AGPS: variants seen among roughly 807,000 people sequenced by gnomAD.
The protein encoded by AGPS is alkyldihydroxyacetonephosphate synthase, peroxisomal.
AGPS carries 26 observed loss-of-function variants against 90.7 expected under a neutral mutation model. That is an observed-to-expected ratio of 0.29 (90% CI 0.21 to 0.40). The LOEUF is 0.40. AGPS is among the 10% of genes least tolerant of loss of function. AGPS has a pLI of 1.00. For missense variants in AGPS, 540 were observed against 816.1 expected (o/e 0.66, Z 4.12); for synonymous variants, 294 against 285.3 (o/e 1.03, Z -0.31).
At position 177,538,989 on chromosome 2, in the gene AGPS, C is replaced by T. The variant is rs912813369; in HGVS notation, c.*794C>T. The T allele has an allele frequency of 3.3e-5, 5 of 152,018 alleles. No individual in the cohort carries two copies. The highest frequency in any genetic ancestry group is 1.3e-4 in the Admixed American group (2 of 15,246). 9.4% of individuals were successfully genotyped at this position (152,018 alleles called of 1,614,324 possible). A position where few individuals can be genotyped will look rare whatever the true frequency, so the allele number is the denominator to read the frequency against. ...CCATGAAATGAATGCCTTTATTCAA[C>T]TTAGAGTCCTAATGTTTCTGATTTC... On this transcript the variant is annotated 3_prime_UTR_variant, in exon 20 of 20. Coordinates refer to ENST00000264167, the MANE Select transcript of AGPS (RefSeq NM_003659.4).
intron 17 of AGPS, 23 bp downstream of exon 17, chr2:177,513,931 A>T: frequency 6.5e-7 from 1 of 1,540,094 alleles, no homozygotes; most frequent in Non-Finnish European, 9.0e-7. Context: ...AATTGTTCTT[A>T]TACTTCTTAT....
In AGPS at chr2:177,538,603, T is replaced by A; in HGVS notation, c.*408T>A. 1 of 290,298 alleles carries A rather than the reference T, an allele frequency of 3.4e-6. No individual in the cohort carries two copies. The highest frequency in any genetic ancestry group is 6.6e-6 in the Non-Finnish European group (1 of 151,392). The allele number at this position is 290,298 out of a possible 1,614,324, so 18.0% of individuals were successfully genotyped here. A position where few individuals can be genotyped will look rare whatever the true frequency, so the allele number is the denominator to read the frequency against. On this transcript the variant is annotated 3_prime_UTR_variant, in exon 20 of 20. Transcript: ENST00000264167. ...TGGGAATCAGATGTCTAGGGAAGGA[T>A]TCCACTGAGGAGTGATACACGTGTA...
rs943691452 is a variant in AGPS at position 177,393,426 on chromosome 2, A to G, written c.260+377A>G. On this transcript the variant is annotated intron_variant, in intron 1 of 19. Coordinates refer to ENST00000264167, the MANE Select transcript of AGPS (RefSeq NM_003659.4). The stretch of plus-strand genomic sequence containing the variant: ...AGAGGTTCTATTTTTCTCCGAGGAG[A>G]TATAAATTTGTACTAGATGATAGAT... 8 of 985,214 alleles carry G rather than the reference A, an allele frequency of 8.1e-6. No homozygotes were observed. The South Asian group carries it at 3.8e-4, about 46-fold the overall frequency. 61.0% of individuals were successfully genotyped at this position (985,214 alleles called of 1,614,324 possible).
At position 177,541,843 on chromosome 2, in the gene AGPS, T is replaced by C. The variant is rs1048973377; in HGVS notation, c.*3648T>C. The C allele has an allele frequency of 1.3e-5, 2 of 152,296 alleles. No individual in the cohort carries two copies. The highest frequency in any genetic ancestry group is 3.9e-4 in the East Asian group (2 of 5,190). The allele number at this position is 152,296 out of a possible 1,614,324, so 9.4% of individuals were successfully genotyped here. A position where few individuals can be genotyped will look rare whatever the true frequency, so the allele number is the denominator to read the frequency against. On this transcript the variant is annotated 3_prime_UTR_variant, in exon 20 of 20. Coordinates refer to ENST00000264167, the MANE Select transcript of AGPS (RefSeq NM_003659.4). ...GTAAAGGAAACAACTTACATATTGATGCTTAAATCCAGAAAGTGTAAAAGG... is the reference window on the plus strand; with the variant it reads ...GTAAAGGAAACAACTTACATATTGACGCTTAAATCCAGAAAGTGTAAAAGG...
chr2:177,412,362 A>G (rs1282306738), intron 1 of AGPS, among the ~76,000 whole-genome samples: 3 of 152,028 alleles, frequency 2.0e-5, no homozygotes, highest in Non-Finnish European at 4.4e-5. Flanking sequence ...GGAGTTCGGG[A>G]CGACAGCTTT....
intron 1 of AGPS, among the ~76,000 whole-genome samples, chr2:177,418,796 CAA>C (rs774998559): frequency 2.6e-4 from 35 of 132,764 alleles, no homozygotes; most frequent in Admixed American, 2.2e-4. Context: ...GTTTTGGCAC[CAA>C]AAAAAAAAAA....
At chr2:177,407,355 A>G (rs1201455998) in intron 1 of AGPS, among the ~76,000 whole-genome samples, 1 of 152,200 alleles carries the variant, frequency 6.6e-6, no homozygotes, top group Non-Finnish European at 1.5e-5. Context: ...GAGACTGGAT[A>G]ATTTATAAAG....
chr2:177,464,428 A>T (rs1030646711), intron 9 of AGPS, among the ~76,000 whole-genome samples: 1 of 152,378 alleles, frequency 6.6e-6, no homozygotes, highest in East Asian at 1.9e-4. Context: ...ACATTAGTGC[A>T]TATTTAATTA....
chr2:177,530,010 T>TTTTG (rs371123935), intron 19 of AGPS, among the ~76,000 whole-genome samples: 64 of 152,258 alleles, frequency 4.2e-4, no homozygotes, highest in African/African-American at 4.8e-4. Flanking sequence ...AAAACAATAG[T>TTTTG]TTTGTTTGTT....
intron 15 of AGPS, among the ~76,000 whole-genome samples, chr2:177,507,155 A>G (rs1574019116): frequency 6.6e-6 from 1 of 152,208 alleles, no homozygotes; most frequent in East Asian, 1.9e-4. Context: ...CACATGCTTT[A>G]GATCAGATCA....
At position 177,502,496 on chromosome 2, in the gene AGPS, G is replaced by A. The variant is rs1688589187; in HGVS notation, c.1475+2766G>A. On this transcript the variant is annotated intron_variant, in intron 14 of 19. Coordinates refer to ENST00000264167, the MANE Select transcript of AGPS (RefSeq NM_003659.4). ...GACCTGATGATCATGGCTCACTGTA[G>A]CCTCAGCCTCCCTGGGCTCAAAGGA... Among the ~76,000 whole-genome samples, 4 of 147,372 alleles carry A rather than the reference G, an allele frequency of 2.7e-5. No individual in the cohort carries two copies. The South Asian group carries it at 6.5e-4, about 24-fold the overall frequency.
Position 177,434,212 on chromosome 2 carries a change from A to G in AGPS, c.351-115A>G, listed in dbSNP as rs903839612. On this transcript the variant is annotated intron_variant, in intron 2 of 19. Coordinates refer to ENST00000264167, the MANE Select transcript of AGPS (RefSeq NM_003659.4). ...GTTTTCGTTCAGAGTTTATAGTTAC[A>G]TGTGAAAGTGTTGGTTTGATAGTAG... 33 of 723,822 alleles carry G rather than the reference A, an allele frequency of 4.6e-5. No homozygotes were observed. The African/African-American group carries it at 5.7e-4, about 13-fold the overall frequency. 44.8% of individuals were successfully genotyped at this position (723,822 alleles called of 1,614,324 possible). A position where few individuals can be genotyped will look rare whatever the true frequency, so the allele number is the denominator to read the frequency against.
At chr2:177,424,137 A>G (rs1049749326) in intron 2 of AGPS, among the ~76,000 whole-genome samples, 1 of 151,938 alleles carries the variant, frequency 6.6e-6, no homozygotes, top group Non-Finnish European at 1.5e-5. Context: ...GATGGGCCCC[A>G]GTGTATGTTG....
intron 17 of AGPS, among the ~76,000 whole-genome samples, chr2:177,516,433 A>G (rs933667895): frequency 3.2e-4 from 49 of 152,298 alleles, no homozygotes; most frequent in African/African-American, 1.1e-3. Context: ...CAACCACGCT[A>G]TTACTTGTCC....
chr2:177,414,892 A>T (rs917347149), intron 1 of AGPS, among the ~76,000 whole-genome samples: 1 of 40,294 alleles, frequency 2.5e-5, no homozygotes, highest in African/African-American at 6.2e-5. Flanking sequence ...GTGCCTATGA[A>T]GGTTCGTGTG....
intron 11 of AGPS, among the ~76,000 whole-genome samples, chr2:177,488,171 ATT>A (rs1278831710): frequency 6.6e-6 from 1 of 151,808 alleles, no homozygotes; most frequent in Non-Finnish European, 1.5e-5. Context: ...ATGTCCAGAA[ATT>A]CACATTTAAC....
intron 19 of AGPS, among the ~76,000 whole-genome samples, chr2:177,530,810 TACTTA>T (rs1199005696): frequency 5.9e-5 from 9 of 152,342 alleles, no homozygotes; most frequent in Middle Eastern, 3.4e-3. Context: ...ATATAAAGCC[TACTTA>T]ACTTAATCTT....
At chr2:177,495,811 G>A (rs1189667438) in intron 12 of AGPS, among the ~76,000 whole-genome samples, 1 of 149,864 alleles carries the variant, frequency 6.7e-6, no homozygotes, top group African/African-American at 2.5e-5. Context: ...CCAGCTACTC[G>A]GGAGGCTGAG....
At chr2:177,482,286 A>G in intron 11 of AGPS, 100 bp downstream of exon 11, 2 of 649,688 alleles carry the variant, frequency 3.1e-6, no homozygotes, top group South Asian at 2.2e-5. Flanking sequence ...TGTTACAACT[A>G]ATCTTCATTT....
Sources: allele counts gnomAD v4.1 joint callset (sites outside exome capture counted in the v4.1 genomes callset), GRCh38; gene constraint gnomAD v4.1.1; transcripts MANE v1.5; gene names NCBI Gene and HGNC (gene_info 2026-07-23, HGNC 2026-07-21).